Variants in SAR1B observed in about 807,000 individuals in gnomAD.
SAR1B encodes the protein secretion associated Ras related GTPase 1B, also known as small COPII coat GTPase SAR1B.
Under a neutral mutation model 26.8 loss-of-function variants are expected in SAR1B, and 23 were observed. That is an observed-to-expected ratio of 0.86 (90% CI 0.62 to 1.22). The LOEUF is 1.22. SAR1B is among the 50% of genes most tolerant of loss of function. The pLI, the probability that SAR1B is intolerant of heterozygous loss-of-function variation, is 0.00. For missense variants in SAR1B, 196 were observed against 232.8 expected (o/e 0.84, Z 1.03); for synonymous variants, 65 against 80.8 (o/e 0.80, Z 1.05).
At chr5:134,607,772 CAA>C (rs35665930) in intron 6 of SAR1B, among the ~76,000 whole-genome samples, 21 of 99,634 alleles carry the variant, frequency 2.1e-4, no homozygotes, top group Non-Finnish European at 2.2e-4. Flanking sequence ...AACTCCATCT[CAA>C]AAAAAAAAAA....
chr5:134,627,460 G>C (rs1765513040), intron 1 of SAR1B, among the ~76,000 whole-genome samples: 1 of 151,854 alleles, frequency 6.6e-6, no homozygotes, highest in South Asian at 2.1e-4. Flanking sequence ...AACCTCCTGA[G>C]TACCTGGGGG....
At chr5:134,629,737 T>C (rs1765565957) in intron 1 of SAR1B, among the ~76,000 whole-genome samples, 1 of 148,216 alleles carries the variant, frequency 6.7e-6, no homozygotes, top group African/African-American at 2.5e-5. Flanking sequence ...AAAAAAACAA[T>C]TAGCTGGGTG....
At position 134,606,593 on chromosome 5, in the gene SAR1B, C is replaced by T. The variant is rs916673105; in HGVS notation, c.*357G>A. On this transcript the variant is annotated 3_prime_UTR_variant, in exon 7 of 7. Coordinates refer to ENST00000402673, the MANE Select transcript of SAR1B (RefSeq NM_016103.4). Reference sequence around the variant, plus strand: ...TTTAAAAACTAGTTCCAGAAAAGTACATAAAAAATTTAACATGATGAGCTT... The same window carrying T: ...TTTAAAAACTAGTTCCAGAAAAGTATATAAAAAATTTAACATGATGAGCTT... The T allele has an allele frequency of 4.7e-5, 11 of 233,858 alleles. No individual in the cohort carries two copies. The highest frequency in any genetic ancestry group is 9.5e-5 in the Non-Finnish European group (11 of 115,644). The allele number at this position is 233,858 out of a possible 1,614,324, so 14.5% of individuals were successfully genotyped here. A position where few individuals can be genotyped will look rare whatever the true frequency, so the allele number is the denominator to read the frequency against.
chr5:134,612,677 A>AAAAAAAAAAAAAAT lies in SAR1B; in HGVS notation c.244+13_244+14insATTTTTTTTTTTTT. ...AAAAAAAAAAAAAAAAAAAAAAAAA[A>AAAAAAAAAAAAAAT]AAAAGAATCTTACCTTGAACATGTC... On this transcript the variant is annotated intron_variant, in intron 4 of 6. Transcript: ENST00000402673. 1 of 1,055,542 alleles carries AAAAAAAAAAAAAAT rather than the reference A, an allele frequency of 9.5e-7. No homozygotes were observed. Among genetic ancestry groups the AAAAAAAAAAAAAAT allele is most frequent in the Non-Finnish European group, 1.3e-6 (1 of 762,974 alleles). 65.4% of individuals were successfully genotyped at this position (1,055,542 alleles called of 1,614,324 possible).
At position 134,617,161 on chromosome 5, in the gene SAR1B, G is replaced by A. The variant is rs142462182; in HGVS notation, c.178+3772C>T. 2.2e-3 allele frequency among the ~76,000 whole-genome samples: 331 copies of A among 152,234 alleles called. 3 individuals carry two copies. The highest frequency in any genetic ancestry group is 7.4e-3 in the African/African-American group (308 of 41,546). On this transcript the variant is annotated intron_variant, in intron 3 of 6. Transcript: ENST00000402673. Reference sequence around the variant, plus strand: ...GTGGGAGGAACACTTGAACCTGGGAGGTTGAGGCTGCAGTGAGCCGCGATT... The same window carrying A: ...GTGGGAGGAACACTTGAACCTGGGAAGTTGAGGCTGCAGTGAGCCGCGATT...
At chr5:134,616,453 AG>A (rs1241179701) in intron 3 of SAR1B, among the ~76,000 whole-genome samples, 14 of 151,680 alleles carry the variant, frequency 9.2e-5, no homozygotes, top group Admixed American at 2.6e-4. Context: ...AAAAAAAAAA[AG>A]AAAGAAAGAA....
chr5:134,612,697 C>G lies in SAR1B; in HGVS notation c.238G>C (p.Val80Leu). Residue 80 changes from valine (V) to leucine (L), a missense_variant, in exon 4 of 7, where the codon GTT becomes CTT. Val to Leu is a conservative substitution (Grantham distance 32). Coordinates refer to ENST00000402673, the MANE Select transcript of SAR1B (RefSeq NM_016103.4). Reference protein sequence around the residue: ...TFTTFDLGGHVQARRVWKNYL... With the variant: ...TFTTFDLGGHLQARRVWKNYL... ...AAAAAAAAAAGAATCTTACCTTGAACATGTCCACCCAGATCAAAAGTTGTA... is the reference window on the plus strand; with the variant it reads ...AAAAAAAAAAGAATCTTACCTTGAAGATGTCCACCCAGATCAAAAGTTGTA... The G allele has an allele frequency of 3.6e-6, 2 of 560,824 alleles. No homozygotes were observed. The highest frequency in any genetic ancestry group is 5.7e-6 in the Non-Finnish European group (2 of 353,908). 34.7% of individuals were successfully genotyped at this position (560,824 alleles called of 1,614,324 possible).
intron 1 of SAR1B, among the ~76,000 whole-genome samples, chr5:134,631,021 G>A (rs1378588104): frequency 4.0e-5 from 6 of 148,806 alleles, no homozygotes; most frequent in African/African-American, 7.4e-5. Context: ...TCTCAGCAGC[G>A]AGTAGCTGGG....
intron 1 of SAR1B, among the ~76,000 whole-genome samples, chr5:134,629,350 GGAGTTT>G (rs1765558742): frequency 6.6e-6 from 1 of 151,374 alleles, no homozygotes; most frequent in Non-Finnish European, 1.5e-5. Flanking sequence ...CTTGAACCCA[GGAGTTT>G]GAGACCAGAC....
chr5:134,608,567 A>C, intron 5 of SAR1B, 64 bp from the exon 6 acceptor site: 1 of 1,534,908 alleles, frequency 6.5e-7, no homozygotes, highest in Non-Finnish European at 8.9e-7. Context: ...GCTTATTTTG[A>C]TATGATAAAA....
At chr5:134,619,136 C>CCTGG (rs1460222555) in intron 3 of SAR1B, among the ~76,000 whole-genome samples, 12 of 151,584 alleles carry the variant, frequency 7.9e-5, no homozygotes, top group Non-Finnish European at 1.5e-5. Flanking sequence ...TTGAGACCAG[C>CCTGG]CTGGCCAACA....
chr5:134,610,598 A>G (rs1224593432), intron 4 of SAR1B, among the ~76,000 whole-genome samples: 4 of 149,926 alleles, frequency 2.7e-5, no homozygotes, highest in East Asian at 1.9e-4. Flanking sequence ...AAAAAATTAG[A>G]AAGTGTGGTG....
intron 4 of SAR1B, 88 bp downstream of exon 4, chr5:134,612,603 C>T (rs1765232537): frequency 4.8e-6 from 6 of 1,243,054 alleles, no homozygotes; most frequent in Non-Finnish European, 6.4e-6. Context: ...TGAGATTGCA[C>T]CACTGCACTC....
At chr5:134,612,558 T>C in intron 4 of SAR1B, 133 bp downstream of exon 4, 1 of 844,912 alleles carries the variant, frequency 1.2e-6, no homozygotes, top group Non-Finnish European at 1.7e-6. Flanking sequence ...GGCATGAGGA[T>C]TGCTTGAACC....
At chr5:134,627,198 C>G (rs987713412) in intron 1 of SAR1B, among the ~76,000 whole-genome samples, 1 of 152,046 alleles carries the variant, frequency 6.6e-6, no homozygotes, top group African/African-American at 2.4e-5. Flanking sequence ...ACTACAGGAG[C>G]CTGCCACCAC....
intron 4 of SAR1B, among the ~76,000 whole-genome samples, chr5:134,612,176 T>C (rs1765225332): frequency 6.6e-6 from 1 of 152,158 alleles, no homozygotes; most frequent in African/African-American, 2.4e-5. Context: ...GTTCAAAACA[T>C]GATTATGACA....
chr5:134,620,730 C>T (rs564888283), intron 3 of SAR1B, among the ~76,000 whole-genome samples: 12 of 152,284 alleles, frequency 7.9e-5, no homozygotes, highest in African/African-American at 2.9e-4. Flanking sequence ...CATGGTGGCA[C>T]ATGCCTGTGG....
At chr5:134,624,273 G>A (rs1291384431) in intron 1 of SAR1B, among the ~76,000 whole-genome samples, 5 of 152,110 alleles carry the variant, frequency 3.3e-5, no homozygotes, top group Non-Finnish European at 7.4e-5. Flanking sequence ...ACCGGGTGTG[G>A]TCATGGGCCC....
chr5:134,614,777 T>C (rs780080964), intron 3 of SAR1B: 5 of 152,252 alleles, frequency 3.3e-5, no homozygotes, highest in African/African-American at 1.2e-4. Flanking sequence ...TGGACTATGT[T>C]TGGGTGTCCT....
Sources: gnomAD v4.1 joint callset for allele counts (sites outside exome capture counted in the v4.1 genomes callset) on GRCh38, gnomAD v4.1.1 for gene constraint, MANE v1.5 for transcripts, NCBI Gene and HGNC (gene_info 2026-07-23, HGNC 2026-07-21) for gene names.